Variants in SLC35F3 observed in about 807,000 individuals in gnomAD.
SLC35F3 encodes putative thiamine transporter SLC35F3.
A neutral mutation model predicts 49.9 loss-of-function variants in SLC35F3; 25 were observed. The ratio of observed to expected loss-of-function variants is 0.50; its 90% CI spans 0.37 to 0.70. The LOEUF (loss-of-function observed/expected upper bound fraction) is 0.70. Ranked by LOEUF, SLC35F3 falls within the 30% of genes least tolerant of loss-of-function variation. The pLI is 0.00. For missense variants in SLC35F3, 525 were observed against 639.8 expected (o/e 0.82, Z 1.94); for synonymous variants, 275 against 265.4 (o/e 1.04, Z -0.35).
At chr1:234,211,049 G>A (rs1667039377) in intron 2 of SLC35F3, among the ~76,000 whole-genome samples, 1 of 152,220 alleles carries the variant, frequency 6.6e-6, no homozygotes, top group Non-Finnish European at 1.5e-5. Flanking sequence ...TAGCTGAAAG[G>A]GGCCAACATA....
chr1:234,129,398 T>G (rs1665699621), intron 2 of SLC35F3, among the ~76,000 whole-genome samples: 1 of 152,138 alleles, frequency 6.6e-6, no homozygotes, highest in African/African-American at 2.4e-5. Context: ...GAATACTTCT[T>G]GATGAGAACT....
At chr1:234,291,649 G>A (rs896931600) in intron 3 of SLC35F3, among the ~76,000 whole-genome samples, 5 of 152,010 alleles carry the variant, frequency 3.3e-5, no homozygotes, top group Non-Finnish European at 5.9e-5. Flanking sequence ...GGCTGGTCTC[G>A]AACTCCTGGG....
intron 2 of SLC35F3, among the ~76,000 whole-genome samples, chr1:234,177,008 C>T (rs1280018371): frequency 6.6e-6 from 1 of 152,184 alleles, no homozygotes; most frequent in Non-Finnish European, 1.5e-5. Flanking sequence ...ACCCAAGTCT[C>T]ATCTTGAATT....
intron 3 of SLC35F3, among the ~76,000 whole-genome samples, chr1:234,232,983 G>T (rs1278041150): frequency 6.6e-6 from 1 of 152,192 alleles, no homozygotes; most frequent in Non-Finnish European, 1.5e-5. Flanking sequence ...GATGGAGCTT[G>T]AATAGAATCA....
chr1:234,034,772 C>T (rs779864334), intron 2 of SLC35F3, among the ~76,000 whole-genome samples: 5 of 152,186 alleles, frequency 3.3e-5, no homozygotes, highest in Non-Finnish European at 7.3e-5. Flanking sequence ...ATCCACCTAC[C>T]TTGGCTTCCC....
At chr1:234,267,010 G>A (rs1667992397) in intron 3 of SLC35F3, among the ~76,000 whole-genome samples, 1 of 137,470 alleles carries the variant, frequency 7.3e-6, no homozygotes, top group Non-Finnish European at 1.5e-5. Flanking sequence ...GTTTTCCTAG[G>A]CAGAGGACCC....
At chr1:234,211,344 C>T (rs1467817570) in intron 2 of SLC35F3, among the ~76,000 whole-genome samples, 3 of 152,198 alleles carry the variant, frequency 2.0e-5, no homozygotes. Flanking sequence ...AGAAGAGGGC[C>T]ACTGTCCTCC....
intron 2 of SLC35F3, among the ~76,000 whole-genome samples, chr1:234,139,595 A>ATGGTCAAGTTGCCCG (rs1269492424): frequency 6.6e-6 from 1 of 152,136 alleles, no homozygotes; most frequent in Non-Finnish European, 1.5e-5. Flanking sequence ...TTCACTTTCC[A>ATGGTCAAGTTGCCCG]TGGTCAAGTT....
At chr1:234,184,073 A>C (rs1379946) in intron 2 of SLC35F3, among the ~76,000 whole-genome samples, 11,960 of 151,994 alleles carry the variant, frequency 0.079, 1,307 homozygotes, top group African/African-American at 0.25. Flanking sequence ...GAAAATATGT[A>C]TAGCTGTTTT....
chr1:234,267,677 G>A (rs1412313650), intron 3 of SLC35F3, among the ~76,000 whole-genome samples: 1 of 151,452 alleles, frequency 6.6e-6, no homozygotes, highest in Non-Finnish European at 1.5e-5. Context: ...CTGCCGGGCG[G>A]AGACGCTCCT....
chr1:234,101,556 G>A (rs536469296), intron 2 of SLC35F3, among the ~76,000 whole-genome samples: 4 of 152,260 alleles, frequency 2.6e-5, no homozygotes, highest in African/African-American at 9.6e-5. Context: ...TTGGATTGTC[G>A]TGAGGATTAA....
At chr1:234,264,322 T>C (rs1172661787) in intron 3 of SLC35F3, among the ~76,000 whole-genome samples, 1 of 152,212 alleles carries the variant, frequency 6.6e-6, no homozygotes, top group Non-Finnish European at 1.5e-5. Context: ...ATCATGTTCA[T>C]CGCTCATTAT....
At chr1:233,976,824 T>A (rs1229249615) in intron 2 of SLC35F3, among the ~76,000 whole-genome samples, 2 of 152,236 alleles carry the variant, frequency 1.3e-5, no homozygotes, top group Non-Finnish European at 2.9e-5. Context: ...TTCGTAAGGC[T>A]GGTCTCAAAC....
intron 4 of SLC35F3, among the ~76,000 whole-genome samples, chr1:234,311,219 CTTCTT>C (rs1262582455): frequency 6.6e-6 from 1 of 151,924 alleles, no homozygotes; most frequent in African/African-American, 2.4e-5. Flanking sequence ...TCCCTCTTCT[CTTCTT>C]CAGGAGTTCA....
At chr1:234,100,487 A>G (rs562582997) in intron 2 of SLC35F3, among the ~76,000 whole-genome samples, 1 of 152,368 alleles carries the variant, frequency 6.6e-6, no homozygotes, top group East Asian at 1.9e-4. Context: ...TGGACAGATA[A>G]TCAAAAAAGT....
At chr1:234,100,334 A>G (rs1665195808) in intron 2 of SLC35F3, among the ~76,000 whole-genome samples, 1 of 152,166 alleles carries the variant, frequency 6.6e-6, no homozygotes, top group Non-Finnish European at 1.5e-5. Context: ...CTTTGCTACA[A>G]TATTTCCAAT....
chr1:233,934,954 G>A (rs1035872454), intron 2 of SLC35F3, among the ~76,000 whole-genome samples: 1 of 151,178 alleles, frequency 6.6e-6, no homozygotes, highest in East Asian at 1.9e-4. Flanking sequence ...CATGCTTCTT[G>A]GAAGCTTTAG....
At position 234,129,548 on chromosome 1, in the gene SLC35F3, T is replaced by A. The variant is rs543942553; in HGVS notation, c.284-101869T>A. On this transcript the variant is annotated intron_variant, in intron 2 of 7. Coordinates refer to ENST00000366618, the MANE Select transcript of SLC35F3 (RefSeq NM_173508.4). ...ATCCATAAAGTCAATGAAATCTCAG[T>A]CAAAATCCTGGAGGGCTTTTTAGGA... 7.9e-5 allele frequency among the ~76,000 whole-genome samples: 12 copies of A among 152,340 alleles called. No homozygotes were observed. The East Asian group carries it at 2.1e-3, about 27-fold the overall frequency.
rs1667090325 is a variant in SLC35F3 at position 234,214,467 on chromosome 1, G to A, written c.284-16950G>A. ...GCCGGCCCCAGGATGTAGGCGATCG[G>A]CGGCAGCGCTCCTGCAGGCGGCCGG... On this transcript the variant is annotated intron_variant, in intron 2 of 7. Coordinates refer to ENST00000366618, the MANE Select transcript of SLC35F3 (RefSeq NM_173508.4). The surrounding 1 kb of genome is among the most constrained non-coding windows in gnomAD (Gnocchi z 8.0). The A allele has an allele frequency of 1.7e-5, 26 of 1,518,524 alleles. No individual in the cohort carries two copies. Among genetic ancestry groups the A allele is most frequent in the Non-Finnish European group, 2.3e-5 (26 of 1,133,546 alleles). 94.1% of individuals were successfully genotyped at this position (1,518,524 alleles called of 1,614,324 possible).
Sources: gnomAD v4.1 joint callset for allele counts (sites outside exome capture counted in the v4.1 genomes callset) on GRCh38, gnomAD v4.1.1 for gene constraint, Gnocchi (gnomAD v3.1) non-coding constraint, MANE v1.5 for transcripts, NCBI Gene and HGNC (gene_info 2026-07-23, HGNC 2026-07-21) for gene names.